The following HHAT variants were observed in gnomAD, a reference collection of about 807,000 sequenced individuals.
HHAT encodes the protein protein-cysteine N-palmitoyltransferase HHAT.
HHAT carries 47 observed loss-of-function variants against 70.8 expected under a neutral mutation model. The observed-to-expected ratio is 0.66, with a 90% CI of 0.53 to 0.85. HHAT has a LOEUF of 0.85. Ranked by LOEUF, HHAT falls within the 40% of genes least tolerant of loss-of-function variation. HHAT has a pLI of 0.00. For missense variants in HHAT, 609 were observed against 604.8 expected (o/e 1.01, Z -0.07); for synonymous variants, 228 against 247.6 (o/e 0.92, Z 0.74).
intron 2 of HHAT, among the ~76,000 whole-genome samples, chr1:210,356,465 C>T (rs1276798653): frequency 6.6e-6 from 1 of 151,904 alleles, no homozygotes; most frequent in African/African-American, 2.4e-5. Flanking sequence ...GGGGAGCCCT[C>T]ATATTTAAAG....
intron 10 of HHAT, among the ~76,000 whole-genome samples, chr1:210,608,259 T>C (rs1362082359): frequency 6.6e-6 from 1 of 152,198 alleles, no homozygotes; most frequent in Non-Finnish European, 1.5e-5. Flanking sequence ...TTTGGTCAAC[T>C]GATTGTTTTT....
intron 1 of HHAT, 185 bp downstream of exon 1, chr1:210,329,289 G>A (rs1365742984): frequency 1.6e-6 from 2 of 1,225,034 alleles, no homozygotes; most frequent in Middle Eastern, 3.1e-4. Context: ...AGCGGCGGGG[G>A]CCGCGCGCGC....
intron 1 of HHAT, among the ~76,000 whole-genome samples, chr1:210,341,642 AG>A (rs1218025879): frequency 1.3e-5 from 2 of 152,240 alleles, no homozygotes; most frequent in Non-Finnish European, 2.9e-5. Context: ...GGATCCGAGT[AG>A]ATGGCATCTT....
At position 210,388,089 on chromosome 1, in the gene HHAT, A is replaced by G. The variant is rs186711123; in HGVS notation, c.273+508A>G. Among the ~76,000 whole-genome samples the G allele has an allele frequency of 4.6e-5, 7 of 152,324 alleles. No homozygotes were observed. In the East Asian group the frequency reaches 1.3e-3, roughly 29 times the overall value. ...TTTGAAAACTACTTTTATGTGAGGC[A>G]GGATTGAGACCCTCTTCACAGGTCT... is the stretch of plus-strand genomic sequence containing the variant. On this transcript the variant is annotated intron_variant, in intron 4 of 11. Transcript: ENST00000261458.
At chr1:210,606,774 C>T (rs1319026642) in intron 10 of HHAT, among the ~76,000 whole-genome samples, 2 of 152,280 alleles carry the variant, frequency 1.3e-5, no homozygotes, top group East Asian at 1.9e-4. Context: ...TATTTTTACT[C>T]TCACACTTGA....
chr1:210,566,275 T>G (rs534738249), intron 9 of HHAT, among the ~76,000 whole-genome samples: 1 of 152,176 alleles, frequency 6.6e-6, no homozygotes, highest in South Asian at 2.1e-4. Flanking sequence ...TTTTTAGTGT[T>G]AAGCATATAG....
At chr1:210,503,270 TACTTAGCCTG>T (rs1360763888) in intron 8 of HHAT, among the ~76,000 whole-genome samples, 13 of 152,308 alleles carry the variant, frequency 8.5e-5, no homozygotes, top group Admixed American at 2.6e-4. Context: ...TATTTAATTT[TACTTAGCCTG>T]ACTGCCTTGC....
rs1340771276 is a variant in HHAT, at chr1:210,549,247, GA to G, written c.1043+36062del. Among the ~76,000 whole-genome samples the G allele has an allele frequency of 1.3e-5, 2 of 149,240 alleles. 1 individual carries two copies. Among genetic ancestry groups the G allele is most frequent in the East Asian group, 4.4e-4 (2 of 4,544 alleles). ...AATTGTTTTTATTACTGTGGGTGAG[GA>G]AAGAATGATCAGATGTTGTCTGTTT... On this transcript the variant is annotated intron_variant, in intron 9 of 11. Coordinates refer to ENST00000261458, the MANE Select transcript of HHAT (RefSeq NM_018194.6).
chr1:210,669,435 A>G (rs1037310136), intron 11 of HHAT, among the ~76,000 whole-genome samples: 1 of 152,216 alleles, frequency 6.6e-6, no homozygotes, highest in African/African-American at 2.4e-5. Flanking sequence ...ATGTCATGAT[A>G]CAACCACCTA....
At chr1:210,415,902 A>G (rs1292037047) in intron 6 of HHAT, among the ~76,000 whole-genome samples, 1 of 151,942 alleles carries the variant, frequency 6.6e-6, no homozygotes. Context: ...CAGGTAATCT[A>G]CCTGCCTCCA....
At chr1:210,611,389 T>C (rs191728151) in intron 10 of HHAT, among the ~76,000 whole-genome samples, 7 of 152,312 alleles carry the variant, frequency 4.6e-5, no homozygotes, top group Admixed American at 2.6e-4. Flanking sequence ...AAGTTGCTTA[T>C]CAGCTTAAGT....
chr1:210,609,608 G>A (rs10746431), intron 10 of HHAT, among the ~76,000 whole-genome samples: 130,090 of 152,078 alleles, frequency 0.86, 58,379 homozygotes, highest in East Asian at 1. Flanking sequence ...AGATCATCTC[G>A]TCTCCTAGGT....
Position 210,332,199 on chromosome 1 carries a change from C to T in HHAT, c.-44+3095C>T, listed in dbSNP as rs114430505. Reference sequence around the variant, plus strand: ...CTTTGGCCCGAGTAGTGAAACCAGTCGTAGCAGTCGCTCTGCCCAAGCACA... The same window carrying T: ...CTTTGGCCCGAGTAGTGAAACCAGTTGTAGCAGTCGCTCTGCCCAAGCACA... On this transcript the variant is annotated intron_variant, in intron 1 of 11. Transcript: ENST00000261458. Among the ~76,000 whole-genome samples the T allele has an allele frequency of 5.7e-3, 865 of 152,308 alleles. 12 individuals carry two copies. The highest frequency in any genetic ancestry group is 0.02 in the African/African-American group (837 of 41,554).
intron 9 of HHAT, 87 bp downstream of exon 9, chr1:210,513,275 G>A: frequency 1.4e-6 from 1 of 710,378 alleles, no homozygotes; most frequent in Non-Finnish European, 2.5e-6. Flanking sequence ...TAAGTATCTT[G>A]ATAAATAATG....
chr1:210,618,927 G>C (rs1003953338), intron 10 of HHAT, among the ~76,000 whole-genome samples: 2 of 152,226 alleles, frequency 1.3e-5, no homozygotes, highest in African/African-American at 4.8e-5. Context: ...GGTTTAGTTG[G>C]TTTGGGTTGC....
intron 8 of HHAT, among the ~76,000 whole-genome samples, chr1:210,508,583 G>A (rs1338665949): frequency 1.3e-5 from 2 of 152,052 alleles, no homozygotes; most frequent in Non-Finnish European, 2.9e-5. Flanking sequence ...CAAATATGTT[G>A]CCTGACTTAT....
intron 10 of HHAT, among the ~76,000 whole-genome samples, chr1:210,605,989 G>A (rs998000307): frequency 2.0e-4 from 2 of 9,958 alleles, no homozygotes; most frequent in Admixed American, 3.7e-3. Context: ...CCTGAGTAGC[G>A]GGACTACAGG....
chr1:210,529,260 C>G (rs7537848), intron 9 of HHAT, among the ~76,000 whole-genome samples: 69,188 of 150,492 alleles, frequency 0.46, 15,980 homozygotes, highest in Middle Eastern at 0.54. Context: ...AGCAGAGATT[C>G]TGCCACTGCA....
chr1:210,489,654 C>T (rs971854922), intron 8 of HHAT, among the ~76,000 whole-genome samples: 3 of 152,190 alleles, frequency 2.0e-5, no homozygotes, highest in Non-Finnish European at 2.9e-5. Context: ...TGGTAACCAT[C>T]AACTTCTATG....
Sources: gnomAD v4.1 joint callset for allele counts (sites outside exome capture counted in the v4.1 genomes callset) on GRCh38, gnomAD v4.1.1 for gene constraint, MANE v1.5 for transcripts, NCBI Gene and HGNC (gene_info 2026-07-23, HGNC 2026-07-21) for gene names.